The following UXS1 variants were observed in gnomAD, a reference collection of about 807,000 sequenced individuals.
UXS1 encodes UDP-glucuronate decarboxylase 1, also known as UDP-glucuronic acid decarboxylase 1.
In UXS1, 33 loss-of-function variants were observed where a neutral mutation model predicts 62.6. The observed-to-expected ratio is 0.53, with a 90% CI of 0.40 to 0.70. The LOEUF (loss-of-function observed/expected upper bound fraction) is 0.70. Ranked by LOEUF, UXS1 falls within the 30% of genes least tolerant of loss-of-function variation. The pLI, the probability that UXS1 is intolerant of heterozygous loss-of-function variation, is 0.00. For synonymous variants in UXS1, 213 were observed against 206.8 expected, an observed-to-expected ratio of 1.03 and a Z score of -0.26; for missense variants, 434 against 556.3, an observed-to-expected ratio of 0.78 and a Z score of 2.21.
At chr2:106,095,863 C>T (rs529040215) in intron 14 of UXS1, among the ~76,000 whole-genome samples, 5 of 152,188 alleles carry the variant, frequency 3.3e-5, no homozygotes, top group African/African-American at 1.2e-4. Flanking sequence ...CGGGGAGGAG[C>T]CTGCAGTCAC....
intron 5 of UXS1, among the ~76,000 whole-genome samples, chr2:106,154,076 C>T (rs1404685962): frequency 6.6e-6 from 1 of 152,124 alleles, no homozygotes; most frequent in Non-Finnish European, 1.5e-5. Context: ...AAATACAGGA[C>T]ACCAATAAGT....
At chr2:106,178,233 T>C (rs771525157) in intron 1 of UXS1, among the ~76,000 whole-genome samples, 23 of 152,196 alleles carry the variant, frequency 1.5e-4, no homozygotes, top group Non-Finnish European at 2.9e-4. Flanking sequence ...CATCCCCACG[T>C]GGCACTTCTC....
At chr2:106,098,909 G>A in intron 12 of UXS1, 136 bp from the exon 13 acceptor site, 2 of 726,552 alleles carry the variant, frequency 2.8e-6, no homozygotes, top group South Asian at 3.4e-5. Flanking sequence ...AGCTCCGTGT[G>A]CCAGAGGGTA....
chr2:106,192,468 G>A (rs1328416912), intron 1 of UXS1, among the ~76,000 whole-genome samples: 5 of 151,886 alleles, frequency 3.3e-5, no homozygotes, highest in Non-Finnish European at 7.4e-5. Flanking sequence ...GCAGGAGAAT[G>A]GCGTGAACCC....
chr2:106,180,895 A>G (rs1157969392), intron 1 of UXS1, among the ~76,000 whole-genome samples: 1 of 151,790 alleles, frequency 6.6e-6, no homozygotes, highest in African/African-American at 2.4e-5. Context: ...AGAAAATGTT[A>G]CCATGCTATT....
At chr2:106,101,013 G>A (rs776631148) in intron 12 of UXS1, 45 bp downstream of exon 12, 8 of 1,611,042 alleles carry the variant, frequency 5.0e-6, no homozygotes, top group Admixed American at 1.7e-5. Context: ...ACAAATGAAC[G>A]AAAGTCTGAG....
At chr2:106,172,842 C>T (rs1683650439) in intron 1 of UXS1, among the ~76,000 whole-genome samples, 2 of 152,204 alleles carry the variant, frequency 1.3e-5, no homozygotes, top group African/African-American at 4.8e-5. Flanking sequence ...CCATCTGCCT[C>T]GTCATTCCTC....
intron 6 of UXS1, among the ~76,000 whole-genome samples, chr2:106,142,620 G>A (rs1344277752): frequency 6.6e-6 from 1 of 152,190 alleles, no homozygotes; most frequent in Non-Finnish European, 1.5e-5. Flanking sequence ...GGCTTCAAAG[G>A]AAGGTGCATT....
At chr2:106,109,393 T>A (rs564375482) in intron 10 of UXS1, among the ~76,000 whole-genome samples, 2 of 152,210 alleles carry the variant, frequency 1.3e-5, no homozygotes, top group Non-Finnish European at 2.9e-5. Flanking sequence ...CTTAGAAGTA[T>A]GATTTTTCCA....
chr2:106,098,653 G>C (rs1677323466), intron 13 of UXS1, 63 bp downstream of exon 13: 17 of 1,357,642 alleles, frequency 1.3e-5, no homozygotes, highest in Non-Finnish European at 1.7e-5. Context: ...TCTAGTCAAG[G>C]TGTTATTAAC....
At chr2:106,158,210 G>T (rs1259496152) in intron 4 of UXS1, 92 bp from the exon 5 acceptor site, 1 of 1,138,668 alleles carries the variant, frequency 8.8e-7, no homozygotes, top group Non-Finnish European at 1.3e-6. Flanking sequence ...CCAGGTTTTG[G>T]GACTGTTATT....
At chr2:106,125,988 C>G (rs932688049) in intron 7 of UXS1, among the ~76,000 whole-genome samples, 11 of 152,092 alleles carry the variant, frequency 7.2e-5, no homozygotes, top group African/African-American at 2.2e-4. Context: ...CAAATATTAC[C>G]CCATATTTTA....
chr2:106,144,448 G>A lies in UXS1; in HGVS notation c.472+742C>T, dbSNP rs189412905. 4.1e-3 allele frequency among the ~76,000 whole-genome samples: 627 copies of A among 152,198 alleles called. 1 individual carries two copies. The highest frequency in any genetic ancestry group is 6.5e-3 in the Non-Finnish European group (444 of 68,002). On this transcript the variant is annotated intron_variant, in intron 6 of 14. Coordinates refer to ENST00000283148, the MANE Select transcript of UXS1 (RefSeq NM_001253875.2). The stretch of plus-strand genomic sequence containing the variant: ...TATAAAATGTCACTCAAACGAAAAG[G>A]CAAAAACTTTTTGCCTTTGTGGGAA...
intron 3 of UXS1, 143 bp downstream of exon 3, chr2:106,164,593 A>G (rs1256288586): frequency 3.3e-6 from 2 of 600,942 alleles, no homozygotes; most frequent in Middle Eastern, 4.5e-4. Flanking sequence ...GTCCTCTTAA[A>G]TAAGGGAGTA....
Position 106,125,040 on chromosome 2 carries a change from T to A in UXS1, c.637+580A>T, listed in dbSNP as rs149069123. 2.7e-4 allele frequency among the ~76,000 whole-genome samples: 41 copies of A among 152,256 alleles called. 1 individual carries two copies. The highest frequency in any genetic ancestry group is 9.4e-4 in the African/African-American group (39 of 41,558). On this transcript the variant is annotated intron_variant, in intron 8 of 14. Transcript: ENST00000283148. ...GGGGCTGAAGAGAAATCAACACACA[T>A]TGAAAACACAGCTCCTGGTCCCCAC...
rs1428540756 is a variant in UXS1, at chr2:106,162,118, C to A, written c.230+1549G>T. On this transcript the variant is annotated intron_variant, in intron 4 of 14. Coordinates refer to ENST00000283148, the MANE Select transcript of UXS1 (RefSeq NM_001253875.2). ...TGACCTTCTGACACAGTAATGCAGG[C>A]ACGCGGATCACCTGACTTGCTGACC... Among the ~76,000 whole-genome samples, 3 of 152,136 alleles carry A rather than the reference C, an allele frequency of 2.0e-5. 1 individual carries two copies. The highest frequency in any genetic ancestry group is 4.1e-4 in the South Asian group (2 of 4,826).
intron 1 of UXS1, among the ~76,000 whole-genome samples, chr2:106,186,447 T>TAC (rs1396016365): frequency 6.0e-5 from 1 of 16,668 alleles, no homozygotes; most frequent in Admixed American, 1.1e-3. Context: ...GGCTTTTATA[T>TAC]ATATATATAT....
Position 106,158,097 on chromosome 2 carries a change from T to C in UXS1, c.252A>G (p.Pro84=), listed in dbSNP as rs1682590424. The C allele has an allele frequency of 6.4e-7, 1 of 1,566,954 alleles. No individual in the cohort carries two copies. The highest frequency in any genetic ancestry group is 8.7e-7 in the Non-Finnish European group (1 of 1,154,454). Residue 84 remains proline, a synonymous_variant, in exon 5 of 15, where the codon CCA becomes CCG. Coordinates refer to ENST00000283148, the MANE Select transcript of UXS1 (RefSeq NM_001253875.2). ...GATCCTTTTCTGATAAAAACTTTAC[T>C]GGTGGGTATTTCTGGGTAAAGCTGT... is the stretch of plus-strand genomic sequence containing the variant. The part of the protein sequence containing the change: ...LEKSFTQKYP[P]VKFLSEKDRK...
At chr2:106,191,537 A>C (rs1190154198) in intron 1 of UXS1, among the ~76,000 whole-genome samples, 1 of 152,226 alleles carries the variant, frequency 6.6e-6, no homozygotes, top group African/African-American at 2.4e-5. Context: ...TAAACCCCTC[A>C]TAGCTAAAAT....
Sources: allele counts gnomAD v4.1 joint callset (sites outside exome capture counted in the v4.1 genomes callset), GRCh38; gene constraint gnomAD v4.1.1; transcripts MANE v1.5; gene names NCBI Gene and HGNC (gene_info 2026-07-23, HGNC 2026-07-21).